Variants in IFNG-AS1 observed in about 807,000 individuals in gnomAD.
The protein encoded by IFNG-AS1 is IFNG antisense RNA 1 (non-protein coding).
intron 1 of IFNG-AS1, among the ~76,000 whole-genome samples, chr12:67,995,352 C>T (rs891009682): frequency 1.2e-4 from 16 of 136,740 alleles, no homozygotes; most frequent in East Asian, 7.0e-4. Flanking sequence ...ACCCAGGAAG[C>T]GGAGGCTGCA....
chr12:68,018,905 G>A (rs947420204), intron 3 of IFNG-AS1, among the ~76,000 whole-genome samples: 1 of 152,042 alleles, frequency 6.6e-6, no homozygotes, highest in Non-Finnish European at 1.5e-5. Flanking sequence ...CTATCCCAGA[G>A]CAACTTTTTT....
intron 3 of IFNG-AS1, among the ~76,000 whole-genome samples, chr12:68,012,385 G>A (rs1412974140): frequency 6.6e-6 from 1 of 152,132 alleles, no homozygotes; most frequent in East Asian, 1.9e-4. Flanking sequence ...GACAGCCACT[G>A]GTCAGGAAAG....
At chr12:67,990,276 T>A (rs1856669694) in intron 1 of IFNG-AS1, among the ~76,000 whole-genome samples, 1 of 152,256 alleles carries the variant, frequency 6.6e-6, no homozygotes, top group African/African-American at 2.4e-5. Context: ...ATGTTCTTTT[T>A]TTCTGAAATG....
chr12:68,001,346 G>C, intron 2 of IFNG-AS1: 1 of 180,654 alleles, frequency 5.5e-6, no homozygotes, highest in Admixed American at 5.2e-5. Flanking sequence ...TAAGATGCCA[G>C]TGACCCCAGT....
At chr12:68,003,425 C>CCT (rs1565688787) in intron 2 of IFNG-AS1, among the ~76,000 whole-genome samples, 5 of 142,762 alleles carry the variant, frequency 3.5e-5, no homozygotes, top group East Asian at 4.4e-4. Flanking sequence ...ATATTCCCCC[C>CCT]TTTTTTTTTT....
At chr12:67,992,785 G>T (rs1175549940) in intron 1 of IFNG-AS1, among the ~76,000 whole-genome samples, 2 of 152,080 alleles carry the variant, frequency 1.3e-5, no homozygotes, top group African/African-American at 4.8e-5. Context: ...ATATCTCAAA[G>T]CAAGTGTTGA....
intron 3 of IFNG-AS1, chr12:68,013,561 G>C (rs1880080347): frequency 6.6e-6 from 1 of 152,168 alleles, no homozygotes; most frequent in Admixed American, 6.5e-5. Context: ...AAGTGGGATG[G>C]TTAATTGTAT....
chr12:67,994,346 G>A (rs2906855), intron 1 of IFNG-AS1, among the ~76,000 whole-genome samples: 53,253 of 152,022 alleles, frequency 0.35, 10,185 homozygotes, highest in Middle Eastern at 0.49. Flanking sequence ...ATTCATATCC[G>A]TCAACGCATC....
intron 1 of IFNG-AS1, among the ~76,000 whole-genome samples, chr12:67,994,228 G>A (rs1484261358): frequency 6.6e-6 from 1 of 152,234 alleles, no homozygotes; most frequent in African/African-American, 2.4e-5. Flanking sequence ...CTCCTTCAGA[G>A]AAGAGCCATG....
chr12:68,010,425 G>A lies in IFNG-AS1; in HGVS notation n.241+4279G>A, dbSNP rs921261010. On this transcript the variant is annotated intron_variant and non_coding_transcript_variant, in intron 3 of 5. Transcript: ENST00000536914. ...GTCAAAATAATTCAGAGCAAAATAC[G>A]TCTCTGCATGCCTCATCTTCTTGCT... Among the ~76,000 whole-genome samples the A allele has an allele frequency of 8.5e-5, 13 of 152,208 alleles. No homozygotes were observed. In the East Asian group the frequency reaches 1.2e-3, roughly 14 times the overall value.
intron 1 of IFNG-AS1, among the ~76,000 whole-genome samples, chr12:67,990,888 T>C (rs1879494721): frequency 6.6e-6 from 1 of 150,972 alleles, no homozygotes; most frequent in African/African-American, 2.5e-5. Context: ...CACCGCTACA[T>C]AAATAATTTT....
At chr12:67,995,123 T>C (rs1202802928) in intron 1 of IFNG-AS1, among the ~76,000 whole-genome samples, 1 of 152,118 alleles carries the variant, frequency 6.6e-6, no homozygotes, top group East Asian at 1.9e-4. Context: ...AGAAAGTGCC[T>C]TTTAGAAATG....
At chr12:68,002,254 A>T (rs971477178) in intron 2 of IFNG-AS1, among the ~76,000 whole-genome samples, 2 of 152,238 alleles carry the variant, frequency 1.3e-5, no homozygotes, top group Non-Finnish European at 2.9e-5. Flanking sequence ...ATGGTAGGTC[A>T]TGGGGGGAGT....
intron 3 of IFNG-AS1, among the ~76,000 whole-genome samples, chr12:68,016,065 A>T (rs1265055909): frequency 6.6e-6 from 1 of 152,200 alleles, no homozygotes; most frequent in East Asian, 1.9e-4. Context: ...AAAGAAACCA[A>T]CATTTATTAT....
In IFNG-AS1 at chr12:67,997,086, A is replaced by G. The variant is rs556226189; in HGVS notation, n.184+1013A>G. On this transcript the variant is annotated intron_variant and non_coding_transcript_variant, in intron 2 of 5. Transcript: ENST00000536914. ...TAACAGAAAAACCCTCATTTATAAT[A>G]ACAACAAAGAACATGAAACACTTAA... Among the ~76,000 whole-genome samples, 8 of 152,256 alleles carry G rather than the reference A, an allele frequency of 5.3e-5. No individual in the cohort carries two copies. The South Asian group carries it at 1.7e-3, about 32-fold the overall frequency.
chr12:68,002,045 G>T (rs1420437994), intron 2 of IFNG-AS1, among the ~76,000 whole-genome samples: 1 of 152,152 alleles, frequency 6.6e-6, no homozygotes, highest in East Asian at 1.9e-4. Flanking sequence ...AAATAAGTTG[G>T]CAGTGTTAAA....
chr12:67,995,039 C>T (rs1879603469), intron 1 of IFNG-AS1, among the ~76,000 whole-genome samples: 1 of 152,132 alleles, frequency 6.6e-6, no homozygotes, highest in Non-Finnish European at 1.5e-5. Flanking sequence ...TATCAAATGT[C>T]AAGAAAACTA....
At chr12:68,002,898 G>C (rs2120440153) in intron 2 of IFNG-AS1, among the ~76,000 whole-genome samples, 1 of 152,304 alleles carries the variant, frequency 6.6e-6, no homozygotes, top group Non-Finnish European at 1.5e-5. Flanking sequence ...CTGCGTTCAA[G>C]TCTCTCTAAG....
chr12:67,996,981 T>A (rs1592820151), intron 2 of IFNG-AS1, among the ~76,000 whole-genome samples: 1 of 152,278 alleles, frequency 6.6e-6, no homozygotes, highest in Admixed American at 6.5e-5. Flanking sequence ...GTTATTATAA[T>A]ATAAAATAGC....
Sources: allele counts gnomAD v4.1 joint callset (sites outside exome capture counted in the v4.1 genomes callset), GRCh38; gene constraint gnomAD v4.1.1; transcripts MANE v1.5; gene names NCBI Gene and HGNC (gene_info 2026-07-23, HGNC 2026-07-21).